Variants in MALL observed in about 807,000 individuals in gnomAD.
MALL encodes MAL-like protein.
A neutral mutation model predicts 10.3 loss-of-function variants in MALL; 2 were observed. The observed-to-expected ratio is 0.19, with a 90% confidence interval of 0.08 to 0.61. The LOEUF (loss-of-function observed/expected upper bound fraction) is 0.61, where lower values mean the gene tolerates loss of function less well. Among genes scored for constraint, MALL ranks in the 20% least tolerant of loss-of-function variants. The pLI, the probability that MALL is intolerant of heterozygous loss-of-function variation, is 0.88. For synonymous variants in MALL, 27 were observed against 51.8 expected (o/e 0.52, Z 2.05); for missense variants, 39 against 115.2 (o/e 0.34, Z 3.03).
At chr2:110,110,992 G>GA (rs1242872056) in intron 1 of MALL, among the ~76,000 whole-genome samples, 7 of 152,010 alleles carry the variant, frequency 4.6e-5, no homozygotes, top group Admixed American at 1.3e-4. Flanking sequence ...AATAGATGCA[G>GA]AAAAAACATT....
chr2:110,110,440 C>A (rs1678779647), intron 1 of MALL, among the ~76,000 whole-genome samples: 1 of 152,006 alleles, frequency 6.6e-6, no homozygotes, highest in African/African-American at 2.4e-5. Context: ...GCTAGGAACA[C>A]CTTTACACAC....
At chr2:110,107,968 C>T (rs1678728694) in intron 1 of MALL, among the ~76,000 whole-genome samples, 1 of 152,120 alleles carries the variant, frequency 6.6e-6, no homozygotes, top group African/African-American at 2.4e-5. Context: ...TCACAGGAAG[C>T]CACATCCATA....
Position 110,115,778 on chromosome 2 carries a change from G to A in MALL, c.15C>T (p.Asp5=), listed in dbSNP as rs937067117. The A allele has an allele frequency of 3.1e-6, 4 of 1,272,214 alleles. No homozygotes were observed. In the African/African-American group the frequency reaches 6.1e-5, roughly 19 times the overall value. 78.8% of individuals were successfully genotyped at this position (1,272,214 alleles called of 1,614,324 possible). MASP[D]PPATSYAPSD... ...ACGGGGCGTAGCTGGTGGCGGGCGG[G>A]TCGGGCGAGGCCATGCTGTCAGCCC... is the stretch of plus-strand genomic sequence containing the variant. The change falls in exon 1 of 4, where the codon GAC becomes GAT. Residue 5 remains aspartate (D), a synonymous_variant. Coordinates refer to ENST00000272462, the MANE Select transcript of MALL (RefSeq NM_005434.5).
chr2:110,097,451 T>A (rs1355836274), intron 1 of MALL: 1 of 456,084 alleles, frequency 2.2e-6, no homozygotes, highest in Non-Finnish European at 4.4e-6. Flanking sequence ...GAATTCTGAA[T>A]GGGAAGAGAT....
chr2:110,114,414 G>A (rs570196134), intron 1 of MALL, among the ~76,000 whole-genome samples: 8 of 152,050 alleles, frequency 5.3e-5, no homozygotes, highest in African/African-American at 1.7e-4. Context: ...ATAAAAAGAG[G>A]CAGAGTCAAC....
intron 1 of MALL, among the ~76,000 whole-genome samples, chr2:110,103,428 G>A (rs1433150599): frequency 6.6e-6 from 1 of 152,134 alleles, no homozygotes; most frequent in Non-Finnish European, 1.5e-5. Flanking sequence ...AGGGGGCAAA[G>A]GTCAGGGTGC....
intron 1 of MALL, among the ~76,000 whole-genome samples, chr2:110,114,333 A>C (rs2104397011): frequency 6.6e-6 from 1 of 152,186 alleles, no homozygotes; most frequent in African/African-American, 2.4e-5. Context: ...TCTTCCCGGC[A>C]GACAGGAAAC....
At chr2:110,109,395 G>A (rs928212934) in intron 1 of MALL, among the ~76,000 whole-genome samples, 1 of 152,112 alleles carries the variant, frequency 6.6e-6, no homozygotes, top group Admixed American at 6.5e-5. Context: ...GCAAGCAGGG[G>A]TAGCTATTCT....
upstream of MALL, among the ~76,000 whole-genome samples, chr2:110,117,622 TGTGAGA>T (rs762613749): frequency 3.3e-3 from 400 of 120,694 alleles, no homozygotes; most frequent in African/African-American, 7.5e-3. Context: ...TGTGTGTGTG[TGTGAGA>T]GAGAGAGAGA....
intron 1 of MALL, among the ~76,000 whole-genome samples, chr2:110,104,660 C>T (rs1226096101): frequency 6.6e-6 from 1 of 152,192 alleles, no homozygotes; most frequent in African/African-American, 2.4e-5. Context: ...TCAAGCTCCT[C>T]CTTGAATCAT....
chr2:110,102,580 G>A (rs571218911), intron 1 of MALL, among the ~76,000 whole-genome samples: 19 of 152,324 alleles, frequency 1.2e-4, no homozygotes, highest in African/African-American at 3.6e-4. Flanking sequence ...TGGGACAGAC[G>A]CCCATGGAAG....
At chr2:110,115,999 G>C (rs978735092), upstream of MALL, 17 of 391,582 alleles carry the variant, frequency 4.3e-5, no homozygotes, top group Middle Eastern at 6.3e-4. Flanking sequence ...CTGGCCGGCG[G>C]GGGGCACAGC....
chr2:110,100,397 C>T (rs1319416662), intron 1 of MALL, among the ~76,000 whole-genome samples: 5 of 151,896 alleles, frequency 3.3e-5, no homozygotes, highest in South Asian at 4.2e-4. Context: ...CCTTTGGGCT[C>T]GGGAGTTCGA....
upstream of MALL, chr2:110,115,965 C>T: frequency 2.5e-6 from 1 of 395,408 alleles, no homozygotes; most frequent in East Asian, 3.6e-5. Flanking sequence ...CAGTGGGCGG[C>T]CCAGCGGCAT....
intron 1 of MALL, among the ~76,000 whole-genome samples, chr2:110,107,838 A>T (rs1678727125): frequency 6.6e-6 from 1 of 152,150 alleles, no homozygotes; most frequent in Non-Finnish European, 1.5e-5. Context: ...TGGCTGAGAG[A>T]CCCATAGACA....
chr2:110,114,761 C>A (rs1678873421), intron 1 of MALL, among the ~76,000 whole-genome samples: 1 of 151,648 alleles, frequency 6.6e-6, no homozygotes, highest in Non-Finnish European at 1.5e-5. Context: ...TCTTTTCCCC[C>A]CTGCTCAGGG....
At chr2:110,112,615 A>T (rs1678828603) in intron 1 of MALL, among the ~76,000 whole-genome samples, 1 of 152,094 alleles carries the variant, frequency 6.6e-6, no homozygotes, top group South Asian at 2.1e-4. Flanking sequence ...TGAACAGGAA[A>T]CACTTCTACC....
intron 1 of MALL, among the ~76,000 whole-genome samples, chr2:110,105,626 T>C (rs991528436): frequency 3.9e-5 from 6 of 152,058 alleles, no homozygotes; most frequent in African/African-American, 1.4e-4. Context: ...CTGGGGTAAA[T>C]TGAGTTAACT....
chr2:110,098,992 CA>C (rs34987452), intron 1 of MALL, among the ~76,000 whole-genome samples: 5 of 148,274 alleles, frequency 3.4e-5, no homozygotes, highest in African/African-American at 9.9e-5. Flanking sequence ...GACCCTGTCT[CA>C]AAAAAAAAAA....
Sources: gnomAD v4.1 joint callset for allele counts (sites outside exome capture counted in the v4.1 genomes callset) on GRCh38, gnomAD v4.1.1 for gene constraint, MANE v1.5 for transcripts, NCBI Gene and HGNC (gene_info 2026-07-23, HGNC 2026-07-21) for gene names.